Variants in WDR27 observed in about 807,000 individuals in gnomAD.
The protein encoded by WDR27 is WD repeat-containing protein 27.
WDR27 carries 100 observed loss-of-function variants against 114.4 expected under a neutral mutation model. The ratio of observed to expected loss-of-function variants is 0.87; its 90% CI spans 0.74 to 1.03. The LOEUF is 1.03. Ranked by LOEUF, WDR27 falls within the 50% of genes least tolerant of loss-of-function variation. The pLI, the probability that WDR27 is intolerant of heterozygous loss-of-function variation, is 0.00. For missense variants in WDR27, 1,129 were observed against 1,092.9 expected (o/e 1.03, Z -0.47); for synonymous variants, 449 against 423.1 (o/e 1.06, Z -0.75).
At chr6:169,432,950 G>A in the WDR27 span, among the ~76,000 whole-genome samples, 1 of 152,178 alleles carries the variant, frequency 6.6e-6, no homozygotes, top group Non-Finnish European at 1.5e-5. Context: ...CTAGAGGCTT[G>A]TAGAATCACT....
intron 22 of WDR27, among the ~76,000 whole-genome samples, chr6:169,611,101 T>G (rs1031972417): frequency 7.2e-5 from 11 of 152,100 alleles, no homozygotes; most frequent in Admixed American, 6.5e-4. Flanking sequence ...ATAGGGTCCT[T>G]GCCATGAATG....
chr6:169,518,454 A>G (rs1362812991), intron 25 of WDR27, among the ~76,000 whole-genome samples: 1 of 152,246 alleles, frequency 6.6e-6, no homozygotes, highest in Non-Finnish European at 1.5e-5. Flanking sequence ...GAAGCCACCA[A>G]GGCTTATGGC....
At chr6:169,654,824 CAGA>C (rs971782198) in intron 13 of WDR27, among the ~76,000 whole-genome samples, 1 of 151,830 alleles carries the variant, frequency 6.6e-6, no homozygotes, top group African/African-American at 2.4e-5. Flanking sequence ...GAGGGGCGCT[CAGA>C]AGGAGGCGGC....
chr6:169,672,444 T>C, intron 2 of WDR27, 48 bp from the exon 3 acceptor site: 1 of 1,505,880 alleles, frequency 6.6e-7, no homozygotes. Flanking sequence ...CATTTAAAAA[T>C]AAGAGTATAA....
chr6:169,461,202 A>G (rs564750964), intron 25 of WDR27, among the ~76,000 whole-genome samples: 48 of 152,298 alleles, frequency 3.2e-4, no homozygotes, highest in Admixed American at 1.8e-3. Flanking sequence ...TCCTCTTCTA[A>G]TAATGGATAG....
At chr6:169,521,252 GA>G (rs201046648) in intron 25 of WDR27, among the ~76,000 whole-genome samples, 7 of 146,816 alleles carry the variant, frequency 4.8e-5, no homozygotes, top group East Asian at 2.0e-4. Context: ...AGTGCTGAAA[GA>G]AAAAAAAAAT....
At chr6:169,637,793 CGT>C (rs963794774) in intron 18 of WDR27, among the ~76,000 whole-genome samples, 3 of 147,890 alleles carry the variant, frequency 2.0e-5, no homozygotes, top group Non-Finnish European at 4.4e-5. Flanking sequence ...GTGCCTACTG[CGT>C]GTGTCTGAGT....
At chr6:169,549,806 G>T (rs1256581670) in intron 25 of WDR27, among the ~76,000 whole-genome samples, 1 of 152,210 alleles carries the variant, frequency 6.6e-6, no homozygotes, top group African/African-American at 2.4e-5. Flanking sequence ...CCAACTCTAT[G>T]ATCTCCTGGA....
intron 21 of WDR27, among the ~76,000 whole-genome samples, chr6:169,622,101 T>C (rs1232287290): frequency 6.6e-6 from 1 of 152,224 alleles, no homozygotes; most frequent in African/African-American, 2.4e-5. Flanking sequence ...CTCAAAAGAA[T>C]GCAACCATTT....
intron 22 of WDR27, among the ~76,000 whole-genome samples, chr6:169,607,409 CACACACACACACACATATAAT>C (rs1809450652): frequency 2.5e-5 from 1 of 39,896 alleles, no homozygotes; most frequent in South Asian, 1.0e-3. Context: ...CACACACACA[CACACACACACACACATATAAT>C]ATAATATTAT....
At chr6:169,537,886 G>C (rs1157118031) in intron 25 of WDR27, among the ~76,000 whole-genome samples, 1 of 152,218 alleles carries the variant, frequency 6.6e-6, no homozygotes, top group Non-Finnish European at 1.5e-5. Flanking sequence ...ATGACCAGGA[G>C]TGTGAAAATC....
rs1311067854 is a variant in WDR27, at chr6:169,677,685, A to G, written c.190-5289T>C. Among the ~76,000 whole-genome samples, 8 of 152,366 alleles carry G rather than the reference A, an allele frequency of 5.3e-5. No individual in the cohort carries two copies. In the South Asian group the frequency reaches 8.3e-4, roughly 16 times the overall value. ...GGGAAAGGCCTCCAAGACATTCCAG[A>G]TATCTCCAAGGCAGTCCCTCCCATT... On this transcript the variant is annotated intron_variant, in intron 2 of 25. Transcript: ENST00000448612.
intron 1 of WDR27, among the ~76,000 whole-genome samples, chr6:169,694,535 T>C (rs1200857794): frequency 6.6e-6 from 1 of 152,256 alleles, no homozygotes; most frequent in Non-Finnish European, 1.5e-5. Flanking sequence ...CAACGGTTCT[T>C]ACATTGAGTG....
At chr6:169,636,586 C>T in intron 18 of WDR27, 82 bp from the exon 19 acceptor site, 6 of 1,376,742 alleles carry the variant, frequency 4.4e-6, no homozygotes, top group Non-Finnish European at 5.9e-6. Flanking sequence ...ATTATTTCTT[C>T]TTAAAACCCA....
rs369794882 is a variant in WDR27 at position 169,462,859 on chromosome 6, A to G, written c.2646-5225T>C. 2.4e-4 allele frequency among the ~76,000 whole-genome samples: 37 copies of G among 152,302 alleles called. 1 individual carries two copies. The East Asian group carries it at 2.5e-3, about 10-fold the overall frequency. ...TCATTAATAAAATTAATGATACAAAACCCACATGATCATCTCAATTTATGC... is the reference window on the plus strand; with the variant it reads ...TCATTAATAAAATTAATGATACAAAGCCCACATGATCATCTCAATTTATGC... On this transcript the variant is annotated intron_variant, in intron 25 of 25. Transcript: ENST00000448612.
the WDR27 span, among the ~76,000 whole-genome samples, chr6:169,435,152 T>C: frequency 3.3e-5 from 5 of 152,208 alleles, no homozygotes; most frequent in East Asian, 9.7e-4. Flanking sequence ...AACCTGAGGG[T>C]GCACAGAAGT....
At position 169,659,949 on chromosome 6, in the gene WDR27, G is replaced by A. The variant is rs1035945779; in HGVS notation, c.1130-431C>T. On this transcript the variant is annotated intron_variant, in intron 10 of 25. Transcript: ENST00000448612. This position sits in a 1 kb window ranked among gnomAD's most constrained non-coding sequence, Gnocchi z 4.3. ...GAGGGGCAGGGATGGGCGGCTGAAG[G>A]GAAGGGCGTGTGTGAAGACACAGAT... is the stretch of plus-strand genomic sequence containing the variant. 6.6e-6 allele frequency among the ~76,000 whole-genome samples: 1 copy of A among 151,948 alleles called. No individual in the cohort carries two copies. The highest frequency in any genetic ancestry group is 2.4e-5 in the African/African-American group (1 of 41,346).
At chr6:169,675,563 A>G (rs1779869733) in intron 2 of WDR27, among the ~76,000 whole-genome samples, 1 of 152,178 alleles carries the variant, frequency 6.6e-6, no homozygotes, top group Non-Finnish European at 1.5e-5. Flanking sequence ...TATGTACTTT[A>G]GGGAGGCATG....
intron 25 of WDR27, among the ~76,000 whole-genome samples, chr6:169,528,915 A>C (rs1795255003): frequency 6.6e-6 from 1 of 152,154 alleles, no homozygotes; most frequent in Admixed American, 6.5e-5. Context: ...TTTTGGAGAA[A>C]ATTTGGCAAT....
Sources: allele counts gnomAD v4.1 joint callset (sites outside exome capture counted in the v4.1 genomes callset), GRCh38; gene constraint gnomAD v4.1.1; non-coding constraint Gnocchi (gnomAD v3.1); transcripts MANE v1.5; gene names NCBI Gene and HGNC (gene_info 2026-07-23, HGNC 2026-07-21).